Variants in MMS22L observed in about 807,000 individuals in gnomAD.
MMS22L encodes MMS22 like, DNA repair protein.
MMS22L carries 74 observed loss-of-function variants against 159.1 expected under a neutral mutation model. That is an observed-to-expected ratio of 0.47 (90% CI 0.39 to 0.56). The LOEUF (loss-of-function observed/expected upper bound fraction) is 0.56, where lower values mean the gene tolerates loss of function less well. Among genes scored for constraint, MMS22L ranks in the 20% least tolerant of loss-of-function variants. The probability of loss-of-function intolerance (pLI) is 0.00; values close to 1 mark genes in which losing one functional copy is unlikely to be tolerated. For missense variants in MMS22L, 1,351 were observed against 1,422.1 expected, an observed-to-expected ratio of 0.95 and a Z score of 0.80; for synonymous variants, 517 against 506.9, an observed-to-expected ratio of 1.02 and a Z score of -0.27.
chr6:97,199,761 A>G (rs1451401099), intron 14 of MMS22L, among the ~76,000 whole-genome samples: 1 of 151,794 alleles, frequency 6.6e-6, no homozygotes, highest in African/African-American at 2.4e-5. Flanking sequence ...GTACCTAGGG[A>G]TATTTTTTAA....
chr6:97,202,428 C>G (rs937695072), intron 14 of MMS22L, among the ~76,000 whole-genome samples: 1 of 152,174 alleles, frequency 6.6e-6, no homozygotes, highest in African/African-American at 2.4e-5. Context: ...CGCTGCAACA[C>G]AACTTTTAAA....
At chr6:97,240,787 C>A (rs146108482) in intron 11 of MMS22L, among the ~76,000 whole-genome samples, 92 of 152,238 alleles carry the variant, frequency 6.0e-4, no homozygotes, top group African/African-American at 2.1e-3. Context: ...CCACCACACC[C>A]GGCTAACTTT....
rs1479791167 is a variant in MMS22L at position 97,263,334 on chromosome 6, C to T, written c.942+1G>A. The T allele has an allele frequency of 6.4e-7, 1 of 1,564,658 alleles. No homozygotes were observed. The highest frequency in any genetic ancestry group is 2.3e-5 in the East Asian group (1 of 43,568). On this transcript the variant is annotated splice_donor_variant, in intron 9 of 24. Transcript: ENST00000683635. LOFTEE classifies it high-confidence loss of function. ...ACCAACACATCAATTTTCCAACTTA[C>T]TTCCGAGACAAACCATTTACTTCTG... is the stretch of plus-strand genomic sequence containing the variant.
In MMS22L at chr6:97,229,038, T is replaced by C; in HGVS notation, c.1895A>G (p.Gln632Arg). 1 of 1,614,160 alleles carries C rather than the reference T, an allele frequency of 6.2e-7. No individual in the cohort carries two copies. Among genetic ancestry groups the C allele is most frequent in the Non-Finnish European group, 8.5e-7 (1 of 1,180,020 alleles). Residue 632 changes from glutamine to arginine, a missense_variant, in exon 14 of 25, where the codon CAA (glutamine) becomes CGA (arginine). Coordinates refer to ENST00000683635, the MANE Select transcript of MMS22L (RefSeq NM_001350599.2). Reference protein sequence around the residue: ...TLLSIYIDGVQEVFETSYCLY... With the variant: ...TLLSIYIDGVREVFETSYCLY... ...GCAATAGCTGGTCTCAAACACTTCT[T>C]GAACACCATCAATGTATATGGAAAG...
chr6:97,240,676 T>G (rs1474571966), intron 11 of MMS22L, among the ~76,000 whole-genome samples: 1 of 151,962 alleles, frequency 6.6e-6, no homozygotes, highest in Non-Finnish European at 1.5e-5. Flanking sequence ...ACCTAGGCTA[T>G]AGTGCAATGG....
chr6:97,256,440 TC>T (rs1813819673), intron 9 of MMS22L, among the ~76,000 whole-genome samples: 1 of 152,216 alleles, frequency 6.6e-6, no homozygotes, highest in African/African-American at 2.4e-5. Flanking sequence ...ATGTCAGAAT[TC>T]CCATTTTGGC....
intron 10 of MMS22L, among the ~76,000 whole-genome samples, chr6:97,250,461 AC>A (rs1447159065): frequency 6.6e-6 from 1 of 152,164 alleles, no homozygotes; most frequent in Non-Finnish European, 1.5e-5. Context: ...CACTGTTAAA[AC>A]TGACCCCTTG....
intron 14 of MMS22L, among the ~76,000 whole-genome samples, chr6:97,202,775 T>C (rs1807315145): frequency 6.6e-6 from 1 of 152,134 alleles, no homozygotes; most frequent in Non-Finnish European, 1.5e-5. Flanking sequence ...TTTAAAAGAG[T>C]ACCTAATAGT....
chr6:97,254,639 T>A lies in MMS22L; in HGVS notation c.1037A>T (p.Asp346Val), dbSNP rs1813595367. 6.2e-7 allele frequency: 1 copy of A among 1,613,550 alleles called. No individual in the cohort carries two copies. Among genetic ancestry groups the A allele is most frequent in the Non-Finnish European group, 8.5e-7 (1 of 1,179,760 alleles). The change falls in exon 10 of 25, where the codon GAT becomes GTT. Residue 346 changes from aspartate (D) to valine (V), a missense_variant. Asp to Val is a radical substitution (Grantham distance 152, BLOSUM62 -3). Coordinates refer to ENST00000683635, the MANE Select transcript of MMS22L (RefSeq NM_001350599.2). ...AATCCACCAACTAAAACCTAATGGA[T>A]CCCTGGACTGGATTACAGGCATAGA... is the stretch of plus-strand genomic sequence containing the variant. The part of the protein sequence containing the change: ...RSSMPVIQSR[D>V]PLGFSWWIIT...
intron 11 of MMS22L, 22 bp downstream of exon 11, chr6:97,246,606 C>G (rs1333475478): frequency 1.3e-6 from 2 of 1,574,882 alleles, no homozygotes. Flanking sequence ...AATCCACAAA[C>G]TGTCTTACTT....
At chr6:97,167,524 T>C (rs1368817648) in intron 20 of MMS22L, among the ~76,000 whole-genome samples, 2 of 152,132 alleles carry the variant, frequency 1.3e-5, no homozygotes, top group East Asian at 3.9e-4. Context: ...AATATCATTA[T>C]GTCACTTCTA....
chr6:97,201,514 G>A (rs1249403789), intron 14 of MMS22L, among the ~76,000 whole-genome samples: 2 of 152,064 alleles, frequency 1.3e-5, no homozygotes, highest in South Asian at 2.1e-4. Context: ...TTATTAGATC[G>A]AACCCACCAT....
intron 14 of MMS22L, among the ~76,000 whole-genome samples, chr6:97,215,114 A>ATATATATATATATATATATT (rs1209431095): frequency 1.1e-5 from 1 of 87,188 alleles, no homozygotes; most frequent in African/African-American, 3.5e-5. Context: ...ATATATATAT[A>ATATATATATATATATATATT]TTTTTTTTTT....
chr6:97,228,794 T>G, intron 14 of MMS22L, 100 bp downstream of exon 14: 1 of 1,130,168 alleles, frequency 8.8e-7, no homozygotes. Flanking sequence ...TTGGATTTCA[T>G]GTGTATTTGT....
intron 6 of MMS22L, chr6:97,270,556 T>C (rs908181242): frequency 4.6e-6 from 1 of 219,038 alleles, no homozygotes; most frequent in African/African-American, 2.3e-5. Flanking sequence ...TGTGTTATAC[T>C]GGGTTATCAA....
chr6:97,282,192 A>T, intron 2 of MMS22L, 122 bp downstream of exon 2: 2 of 927,414 alleles, frequency 2.2e-6, no homozygotes, highest in Non-Finnish European at 3.3e-6. Context: ...CTTATGATAT[A>T]CTAAGCTGAT....
chr6:97,186,218 C>T (rs1367745765), intron 15 of MMS22L, among the ~76,000 whole-genome samples: 1 of 152,058 alleles, frequency 6.6e-6, no homozygotes, highest in Non-Finnish European at 1.5e-5. Context: ...CACACGTAAT[C>T]AAATGCTAGT....
intron 9 of MMS22L, among the ~76,000 whole-genome samples, chr6:97,255,053 T>C (rs1373917673): frequency 1.3e-5 from 2 of 152,030 alleles, no homozygotes; most frequent in African/African-American, 2.4e-5. Flanking sequence ...ATCTGTATTT[T>C]GTTTTTTTTA....
chr6:97,257,202 CCTCT>C (rs1377469947), intron 9 of MMS22L, among the ~76,000 whole-genome samples: 4 of 152,088 alleles, frequency 2.6e-5, no homozygotes, highest in Non-Finnish European at 5.9e-5. Flanking sequence ...TATCAGACAT[CCTCT>C]CTATTCTTAA....
Sources: gnomAD v4.1 joint callset for allele counts (sites outside exome capture counted in the v4.1 genomes callset) on GRCh38, gnomAD v4.1.1 for gene constraint, MANE v1.5 for transcripts, NCBI Gene and HGNC (gene_info 2026-07-23, HGNC 2026-07-21) for gene names.